Variants in SSU72 observed in about 807,000 individuals in gnomAD.
SSU72 encodes RNA polymerase II subunit A C-terminal domain phosphatase SSU72.
Under a neutral mutation model 22.7 loss-of-function variants are expected in SSU72, and 12 were observed. That is an observed-to-expected ratio of 0.53 (90% CI 0.34 to 0.86). The LOEUF (loss-of-function observed/expected upper bound fraction) is 0.86. Ranked by LOEUF, SSU72 falls within the 40% of genes least tolerant of loss-of-function variation. The pLI is 0.02. For missense variants in SSU72, 151 were observed against 249.8 expected (o/e 0.60, Z 2.67); for synonymous variants, 116 against 98.3 (o/e 1.18, Z -1.06).
In SSU72 at chr1:1,572,404, G is replaced by C. The variant is rs1236817720; in HGVS notation, c.80+2074C>G. Reference sequence around the variant, plus strand: ...GATAGCACCACTGCACTCCAGCCTGGGCTACAGACTCCCCCTCAAGAAAAA... The same window carrying C: ...GATAGCACCACTGCACTCCAGCCTGCGCTACAGACTCCCCCTCAAGAAAAA... On this transcript the variant is annotated intron_variant, in intron 1 of 4. Transcript: ENST00000291386. Among the ~76,000 whole-genome samples, 6 of 148,852 alleles carry C rather than the reference G, an allele frequency of 4.0e-5. No homozygotes were observed. The East Asian group carries it at 1.3e-3, about 32-fold the overall frequency.
intron 1 of SSU72, among the ~76,000 whole-genome samples, chr1:1,573,428 T>G (rs1171112153): frequency 9.3e-5 from 7 of 75,422 alleles, no homozygotes; most frequent in Non-Finnish European, 1.8e-4. Flanking sequence ...AGACTCTGTC[T>G]CAAAAAAAAA....
Position 1,547,616 on chromosome 1 carries a change from G to A in SSU72, c.225-2614C>T, listed in dbSNP as rs903188151. Among the ~76,000 whole-genome samples the A allele has an allele frequency of 3.9e-5, 6 of 152,200 alleles. No individual in the cohort carries two copies. The South Asian group carries it at 1.0e-3, about 26-fold the overall frequency. ...GGACGCAAGATCCCACCTGAATTCC[G>A]GCAGCAAAACCACGGTGCCAGTGAG... is the stretch of plus-strand genomic sequence containing the variant. On this transcript the variant is annotated intron_variant, in intron 2 of 4. Coordinates refer to ENST00000291386, the MANE Select transcript of SSU72 (RefSeq NM_014188.3).
chr1:1,571,808 G>A (rs1642734683), intron 1 of SSU72, among the ~76,000 whole-genome samples: 1 of 147,996 alleles, frequency 6.8e-6, no homozygotes, highest in Admixed American at 6.7e-5. Flanking sequence ...TTTTTTTTGA[G>A]ACAGAGTCTC....
intron 3 of SSU72, 163 bp downstream of exon 3, chr1:1,544,700 G>A (rs555013820): frequency 1.1e-5 from 10 of 910,068 alleles, no homozygotes; most frequent in South Asian, 7.0e-5. Flanking sequence ...GTGGTTCAGC[G>A]ACCAGCGGCC....
At chr1:1,568,148 A>C (rs1387328867) in intron 1 of SSU72, among the ~76,000 whole-genome samples, 1 of 152,260 alleles carries the variant, frequency 6.6e-6, no homozygotes, top group Non-Finnish European at 1.5e-5. Flanking sequence ...TGCAACCGAC[A>C]GGGCAGCCAG....
intron 1 of SSU72, among the ~76,000 whole-genome samples, chr1:1,567,911 T>G: frequency 2.2e-5 from 1 of 45,884 alleles, no homozygotes; most frequent in African/African-American, 4.3e-4. Flanking sequence ...ATACTCTGTT[T>G]CAAAAAAAAA....
intron 4 of SSU72, 44 bp downstream of exon 4, chr1:1,543,825 C>A: frequency 6.6e-7 from 1 of 1,517,656 alleles, no homozygotes; most frequent in Non-Finnish European, 9.1e-7. Context: ...TCACTCCCCT[C>A]TGTCACAACC....
chr1:1,553,184 A>T (rs149749534), intron 2 of SSU72, among the ~76,000 whole-genome samples: 1 of 152,064 alleles, frequency 6.6e-6, no homozygotes, highest in Admixed American at 6.6e-5. Flanking sequence ...CTTGGACAGA[A>T]ACCCTGGATC....
In SSU72 at chr1:1,545,079, CCAGCCCCTTCCCTGCCCCA is replaced by C. The variant is rs1336971498; in HGVS notation, c.225-96_225-78del. ...CTGGAAGCGCCTGTGTCCTGGACAC[CCAGCCCCTTCCCTGCCCCA>C]CAGCAGAGGCAGCCGGGACGAAGGC... On this transcript the variant is annotated intron_variant, in intron 2 of 4. Transcript: ENST00000291386. 12 of 1,534,364 alleles carry C rather than the reference CCAGCCCCTTCCCTGCCCCA, an allele frequency of 7.8e-6. No homozygotes were observed. The African/African-American group carries it at 1.6e-4, about 21-fold the overall frequency.
intron 1 of SSU72, among the ~76,000 whole-genome samples, chr1:1,572,922 A>G (rs1263419823): frequency 6.6e-6 from 1 of 150,676 alleles, no homozygotes; most frequent in Non-Finnish European, 1.5e-5. Flanking sequence ...TAAATGTATC[A>G]AATTTTTACA....
chr1:1,571,635 G>A (rs1642732639), intron 1 of SSU72, among the ~76,000 whole-genome samples: 1 of 152,032 alleles, frequency 6.6e-6, no homozygotes, highest in African/African-American at 2.4e-5. Context: ...GGTGCTCTCC[G>A]CTCCTTTTCC....
intron 1 of SSU72, among the ~76,000 whole-genome samples, chr1:1,572,886 G>GA (rs1309234984): frequency 6.8e-6 from 1 of 146,300 alleles, no homozygotes; most frequent in Non-Finnish European, 1.5e-5. Flanking sequence ...TTGGGGGGGG[G>GA]GGGGTGAGCC....
intron 2 of SSU72, chr1:1,562,664 G>C (rs956076139): frequency 2.6e-5 from 4 of 152,362 alleles, no homozygotes; most frequent in Non-Finnish European, 1.5e-5. Flanking sequence ...CTCCGGGATG[G>C]AGACAGCATG....
chr1:1,569,293 G>C (rs183987146), intron 1 of SSU72, among the ~76,000 whole-genome samples: 103 of 152,332 alleles, frequency 6.8e-4, no homozygotes, highest in African/African-American at 2.4e-3. Flanking sequence ...AAGCGCAGGA[G>C]GCTCTGTGGA....
intron 2 of SSU72, among the ~76,000 whole-genome samples, chr1:1,556,484 T>C (rs1642522837): frequency 6.6e-6 from 1 of 151,820 alleles, no homozygotes; most frequent in East Asian, 1.9e-4. Context: ...GAGCTTGCAG[T>C]GAGCCAAGAC....
At chr1:1,570,587 C>T (rs7548959) in intron 1 of SSU72, among the ~76,000 whole-genome samples, 74,096 of 151,904 alleles carry the variant, frequency 0.49, 21,779 homozygotes, top group East Asian at 0.86. Flanking sequence ...ACCCCAAAAT[C>T]GGACTGCCAA....
Position 1,574,572 on chromosome 1 carries a change from AT to A in SSU72, c.-16del. ...GACGACGGCATGGCGGCGGCCGCAA[AT>A]CCCGCGGCTCTCCCGCTTGGGTTCC... On this transcript the variant is annotated 5_prime_UTR_variant, in exon 1 of 5. Coordinates refer to ENST00000291386, the MANE Select transcript of SSU72 (RefSeq NM_014188.3). 1 of 1,580,514 alleles carries A rather than the reference AT, an allele frequency of 6.3e-7. No individual in the cohort carries two copies. The highest frequency in any genetic ancestry group is 1.1e-5 in the South Asian group (1 of 87,224).
chr1:1,570,469 T>G (rs1253987605), intron 1 of SSU72, among the ~76,000 whole-genome samples: 2 of 147,882 alleles, frequency 1.4e-5, no homozygotes, highest in East Asian at 4.0e-4. Flanking sequence ...AGTCATGACA[T>G]GGAGGAAGAG....
chr1:1,550,173 CA>C (rs1169411955), intron 2 of SSU72, among the ~76,000 whole-genome samples: 13,547 of 79,306 alleles, frequency 0.17, 1,156 homozygotes, highest in East Asian at 0.42. Context: ...GAGAGTGTCT[CA>C]AAAAAAAAAA....
Sources: allele counts gnomAD v4.1 joint callset (sites outside exome capture counted in the v4.1 genomes callset), GRCh38; gene constraint gnomAD v4.1.1; transcripts MANE v1.5; gene names NCBI Gene and HGNC (gene_info 2026-07-23, HGNC 2026-07-21).